The following IGF1 variants were observed in gnomAD, a reference collection of about 807,000 sequenced individuals.
IGF1 encodes insulin-like growth factor 1.
IGF1 carries 4 observed loss-of-function variants against 13.8 expected under a neutral mutation model. The ratio of observed to expected loss-of-function variants is 0.29; its 90% CI spans 0.14 to 0.66. The LOEUF (loss-of-function observed/expected upper bound fraction) is 0.66. Among genes scored for constraint, IGF1 ranks in the 30% least tolerant of loss-of-function variants. The pLI is 0.78. For missense variants in IGF1, 124 were observed against 188.5 expected (o/e 0.66, Z 2.00); for synonymous variants, 76 against 72.6 (o/e 1.05, Z -0.23).
intron 3 of IGF1, among the ~76,000 whole-genome samples, chr12:102,404,370 A>T (rs1365387540): frequency 2.6e-5 from 4 of 152,212 alleles, no homozygotes; most frequent in Non-Finnish European, 4.4e-5. Context: ...CTTGGGAATA[A>T]TACCTATTGG....
At chr12:102,477,472 C>A (rs1260955635) in intron 1 of IGF1, among the ~76,000 whole-genome samples, 1 of 151,564 alleles carries the variant, frequency 6.6e-6, no homozygotes, top group Admixed American at 6.6e-5. Flanking sequence ...GCATGGAAAT[C>A]TTCCACCCCC....
chr12:102,419,816 T>A, intron 2 of IGF1, 126 bp from the exon 3 acceptor site: 1 of 878,340 alleles, frequency 1.1e-6, no homozygotes, highest in Non-Finnish European at 1.8e-6. Flanking sequence ...AACCTCTTCT[T>A]GAAACTTCCC....
At chr12:102,442,843 G>T (rs1220110491) in intron 2 of IGF1, among the ~76,000 whole-genome samples, 3 of 152,142 alleles carry the variant, frequency 2.0e-5, no homozygotes, top group African/African-American at 7.2e-5. Flanking sequence ...TATGCAGAAA[G>T]AATGGTAAAA....
chr12:102,400,846 T>A lies in IGF1; in HGVS notation c.*1661A>T, dbSNP rs1483216456. 2.0e-5 allele frequency: 3 copies of A among 152,222 alleles called. No homozygotes were observed. The highest frequency in any genetic ancestry group is 1.3e-4 in the Admixed American group (2 of 15,280). The allele number at this position is 152,222 out of a possible 1,614,324, so 9.4% of individuals were successfully genotyped here. On this transcript the variant is annotated 3_prime_UTR_variant, in exon 4 of 4. Coordinates refer to ENST00000337514, the MANE Select transcript of IGF1 (RefSeq NM_000618.5). ...AATCTCTTTGTTTTTCTCCTTTTTC[T>A]TTTCCTTTCTCTCTTTTCACTTATC...
chr12:102,466,094 T>G (rs2137224518), intron 2 of IGF1, among the ~76,000 whole-genome samples: 1 of 152,258 alleles, frequency 6.6e-6, no homozygotes, highest in East Asian at 1.9e-4. Flanking sequence ...CTTACTAAAA[T>G]ACATGAATTC....
At chr12:102,457,456 T>A (rs536501786) in intron 2 of IGF1, among the ~76,000 whole-genome samples, 2,170 of 152,270 alleles carry the variant, frequency 0.014, 49 homozygotes, top group African/African-American at 0.049. Flanking sequence ...AAGGAGGGAT[T>A]TTTTCCTAAG....
intron 1 of IGF1, chr12:102,478,547 T>C (rs746818893): frequency 1.2e-5 from 19 of 1,607,584 alleles, no homozygotes; most frequent in Non-Finnish European, 1.6e-5. Flanking sequence ...GTGGGTATTA[T>C]GAGGCCGATG....
intron 2 of IGF1, among the ~76,000 whole-genome samples, chr12:102,435,965 C>T (rs569515053): frequency 1.5e-4 from 23 of 152,280 alleles, no homozygotes; most frequent in African/African-American, 4.1e-4. Flanking sequence ...TATACGATCA[C>T]GTCCTGTGGC....
upstream of IGF1, chr12:102,480,776 A>G: frequency 2.8e-6 from 1 of 357,294 alleles, no homozygotes; most frequent in Non-Finnish European, 5.2e-6. Flanking sequence ...AATGTGTGTT[A>G]GTGACAGGGT....
intron 2 of IGF1, among the ~76,000 whole-genome samples, chr12:102,462,275 GT>G (rs1423673015): frequency 6.6e-6 from 1 of 152,152 alleles, no homozygotes; most frequent in African/African-American, 2.4e-5. Context: ...TTCAAATCTG[GT>G]TTTTCTAAGA....
chr12:102,458,874 A>C (rs754441669), intron 2 of IGF1, among the ~76,000 whole-genome samples: 1 of 152,126 alleles, frequency 6.6e-6, no homozygotes, highest in Non-Finnish European at 1.5e-5. Context: ...AAGTCCAGGA[A>C]AATAAAATAG....
chr12:102,473,390 T>C (rs1177151625), intron 2 of IGF1, among the ~76,000 whole-genome samples: 1 of 152,220 alleles, frequency 6.6e-6, no homozygotes, highest in Non-Finnish European at 1.5e-5. Context: ...AGATGCTCCA[T>C]CAATGTTTTG....
At chr12:102,435,927 T>C (rs1877186283) in intron 2 of IGF1, among the ~76,000 whole-genome samples, 1 of 152,214 alleles carries the variant, frequency 6.6e-6, no homozygotes. Flanking sequence ...CTGTGTGCAA[T>C]ATCAACTCCT....
chr12:102,474,741 C>T (rs1355642810), intron 2 of IGF1, among the ~76,000 whole-genome samples: 1 of 152,202 alleles, frequency 6.6e-6, no homozygotes, highest in Admixed American at 6.5e-5. Context: ...GAACAAGCAT[C>T]TGGCTTTAAA....
chr12:102,477,869 T>G (rs1466690445), intron 1 of IGF1, among the ~76,000 whole-genome samples: 1 of 152,218 alleles, frequency 6.6e-6, no homozygotes, highest in Non-Finnish European at 1.5e-5. Flanking sequence ...CTTAGTGAAT[T>G]TCAAACTTCA....
Position 102,478,412 on chromosome 12 carries a change from T to C in IGF1, c.63+1907A>G. The C allele has an allele frequency of 5.2e-6, 5 of 959,876 alleles. No homozygotes were observed. The South Asian group carries it at 1.1e-4, about 21-fold the overall frequency. 59.5% of individuals were successfully genotyped at this position (959,876 alleles called of 1,614,324 possible). On this transcript the variant is annotated intron_variant, in intron 1 of 3. Coordinates refer to ENST00000337514, the MANE Select transcript of IGF1 (RefSeq NM_000618.5). ...TAATCTTAGATAAATGGAATATTAATTGATTCCAGATGTCTGGGCCACAAT... is the reference window on the plus strand; with the variant it reads ...TAATCTTAGATAAATGGAATATTAACTGATTCCAGATGTCTGGGCCACAAT...
intron 2 of IGF1, among the ~76,000 whole-genome samples, chr12:102,452,856 A>G (rs1879082510): frequency 6.6e-6 from 1 of 152,206 alleles, no homozygotes; most frequent in Non-Finnish European, 1.5e-5. Context: ...AAAGCAATTT[A>G]AGGACATGGG....
chr12:102,452,277 A>AG (rs1445160491), intron 2 of IGF1, among the ~76,000 whole-genome samples: 1 of 150,612 alleles, frequency 6.6e-6, no homozygotes, highest in East Asian at 1.9e-4. Flanking sequence ...AAAAAAAAAA[A>AG]AAAAAAAAAA....
chr12:102,471,710 C>T (rs560033670), intron 2 of IGF1, among the ~76,000 whole-genome samples: 7 of 152,084 alleles, frequency 4.6e-5, no homozygotes, highest in East Asian at 1.9e-4. Context: ...TTCCCCAGAC[C>T]GCCAAGGTAA....
Sources: allele counts gnomAD v4.1 joint callset (sites outside exome capture counted in the v4.1 genomes callset), GRCh38; gene constraint gnomAD v4.1.1; transcripts MANE v1.5; gene names NCBI Gene and HGNC (gene_info 2026-07-23, HGNC 2026-07-21).